Variants in CHRNB4 observed in about 807,000 individuals in gnomAD.
The protein encoded by CHRNB4 is neuronal acetylcholine receptor subunit beta-4.
In CHRNB4, 23 loss-of-function variants were observed where a neutral mutation model predicts 40.4. That is an observed-to-expected ratio of 0.57 (90% CI 0.41 to 0.81). The LOEUF (loss-of-function observed/expected upper bound fraction) is 0.81, where lower values mean the gene tolerates loss of function less well. Ranked by LOEUF, CHRNB4 falls within the 30% of genes least tolerant of loss-of-function variation. The probability of loss-of-function intolerance (pLI) is 0.00; values close to 1 mark genes in which losing one functional copy is unlikely to be tolerated. For synonymous variants in CHRNB4, 285 were observed against 274.4 expected, an observed-to-expected ratio of 1.04 and a Z score of -0.38; for missense variants, 568 against 670.6, an observed-to-expected ratio of 0.85 and a Z score of 1.69.
intron 5 of CHRNB4, chr15:78,627,838 C>A (rs994215477): frequency 6.6e-6 from 1 of 152,124 alleles, no homozygotes; most frequent in Admixed American, 6.5e-5. Flanking sequence ...ATTGCTTTAT[C>A]CTGTGAAAGT....
At chr15:78,653,712 G>C (rs1414387936) in intron 5 of CHRNB4, among the ~76,000 whole-genome samples, 8 of 152,182 alleles carry the variant, frequency 5.3e-5, no homozygotes, top group Admixed American at 5.2e-4. Context: ...TGAGCACAGC[G>C]AGAGTCCTAG....
Position 78,646,253 on chromosome 15 carries a change from T to G in CHRNB4, c.46+3126A>C, listed in dbSNP as rs566909957. Among the ~76,000 whole-genome samples, 504 of 152,156 alleles carry G rather than the reference T, an allele frequency of 3.3e-3. 3 individuals are homozygous for G. The highest frequency in any genetic ancestry group is 0.011 in the African/African-American group (442 of 41,500). ...AACTTGAAATAAGACAGAAGTTGCC[T>G]TGTAGATCATTGGGGAAAGGATGGA... On this transcript the variant is annotated intron_variant and NMD_transcript_variant, in intron 7 of 11. Transcript: ENST00000559849.
intron 5 of CHRNB4, chr15:78,626,337 C>CG (rs1435066888): frequency 1.0e-4 from 11 of 109,434 alleles, no homozygotes; most frequent in African/African-American, 3.0e-4. Flanking sequence ...TAATTTCAAG[C>CG]GGGGGTGTGT....
chr15:78,650,725 CAA>C (rs2054165138), intron 6 of CHRNB4, among the ~76,000 whole-genome samples: 1 of 152,196 alleles, frequency 6.6e-6, no homozygotes, highest in African/African-American at 2.4e-5. Flanking sequence ...CGGTGTACAG[CAA>C]GTCAATCACT....
chr15:78,635,619 C>T lies in CHRNB4; in HGVS notation c.56-32G>A, dbSNP rs1270911885. ...AAACACACAGTCAGACCTGCTGGGCCCTTGTGCACCTGACCCCCACTGCAG... is the reference window on the plus strand; with the variant it reads ...AAACACACAGTCAGACCTGCTGGGCTCTTGTGCACCTGACCCCCACTGCAG... On this transcript the variant is annotated intron_variant, in intron 1 of 5. Transcript: ENST00000261751. 8.1e-6 allele frequency: 13 copies of T among 1,611,434 alleles called. No individual in the cohort carries two copies. In the South Asian group the frequency reaches 9.9e-5, roughly 12 times the overall value.
At chr15:78,651,656 C>T (rs1489174396) in intron 6 of CHRNB4, among the ~76,000 whole-genome samples, 1 of 152,208 alleles carries the variant, frequency 6.6e-6, no homozygotes, top group Admixed American at 6.5e-5. Flanking sequence ...TCTAATTGTG[C>T]AATAAATCCC....
At chr15:78,630,073 CA>C in intron 4 of CHRNB4, 128 bp from the exon 5 acceptor site, 2 of 1,073,020 alleles carry the variant, frequency 1.9e-6, no homozygotes, top group Non-Finnish European at 2.5e-6. Flanking sequence ...CCCAGGCCCT[CA>C]CTGAAAGGAG....
At chr15:78,637,362 A>C (rs995755405) in intron 1 of CHRNB4, among the ~76,000 whole-genome samples, 2 of 152,172 alleles carry the variant, frequency 1.3e-5, no homozygotes, top group African/African-American at 4.8e-5. Flanking sequence ...GCTTGGAAAA[A>C]GGGAGACTCA....
At position 78,647,612 on chromosome 15, in the gene CHRNB4, C is replaced by T. The variant is rs527803936; in HGVS notation, c.46+1767G>A. ...CTGTAATCCCAGCACTTTGGGAGGC[C>T]AAGGCGGGCAGATCACAAGGTCAGG... On this transcript the variant is annotated intron_variant and NMD_transcript_variant, in intron 7 of 11. Transcript: ENST00000559849. Among the ~76,000 whole-genome samples the T allele has an allele frequency of 2.6e-4, 38 of 147,832 alleles. No homozygotes were observed. In the East Asian group the frequency reaches 4.4e-3, roughly 17 times the overall value.
upstream of CHRNB4, among the ~76,000 whole-genome samples, chr15:78,646,221 A>G (rs1448907736): frequency 1.3e-5 from 2 of 152,180 alleles, no homozygotes; most frequent in Admixed American, 6.5e-5. Flanking sequence ...GATCCATGAC[A>G]CACGGAAACT....
At position 78,629,408 on chromosome 15, in the gene CHRNB4, G is replaced by A; in HGVS notation, c.897C>T (p.Leu299=). The change falls in exon 5 of 6, where the codon CTC becomes CTT. Residue 299 remains leucine, a synonymous_variant. Coordinates refer to ENST00000261751, the MANE Select transcript of CHRNB4 (RefSeq NM_000750.5). The surrounding 1 kb of genome is among the most constrained non-coding windows in gnomAD (Gnocchi z 6.8). ...SLDVPLIGKY[L]MFTMVLVTFS... is the part of the protein sequence containing the mutation. Reference sequence around the variant, plus strand: ...AGGTGACCAGCACCATGGTGAACATGAGGTACTTGCCGATGAGAGGCACAT... The same window carrying A: ...AGGTGACCAGCACCATGGTGAACATAAGGTACTTGCCGATGAGAGGCACAT... 1 of 1,614,164 alleles carries A rather than the reference G, an allele frequency of 6.2e-7. No homozygotes were observed. Among genetic ancestry groups the A allele is most frequent in the Non-Finnish European group, 8.5e-7 (1 of 1,180,030 alleles).
intron 1 of CHRNB4, 133 bp downstream of exon 1, chr15:78,640,943 GCCC>G (rs1290451393): frequency 2.4e-5 from 24 of 1,004,688 alleles, no homozygotes; most frequent in South Asian, 7.9e-5. Context: ...CCCTGCCCAC[GCCC>G]CCATCTGGCC....
At chr15:78,650,167 C>A (rs546590134) in intron 6 of CHRNB4, among the ~76,000 whole-genome samples, 1 of 152,312 alleles carries the variant, frequency 6.6e-6, no homozygotes, top group South Asian at 2.1e-4. Flanking sequence ...AGACTGACAT[C>A]CTGGCCTGGG....
At chr15:78,633,909 G>T (rs1427689192) in intron 2 of CHRNB4, among the ~76,000 whole-genome samples, 2 of 138,880 alleles carry the variant, frequency 1.4e-5, no homozygotes, top group African/African-American at 5.2e-5. Flanking sequence ...AAGGGTCAGG[G>T]AATAAGGGGG....
chr15:78,635,307 G>GA, intron 2 of CHRNB4, 132 bp downstream of exon 2: 1 of 1,105,760 alleles, frequency 9.0e-7, no homozygotes. Flanking sequence ...CCCTTCTGCA[G>GA]CCTCCCTGAC....
intron 2 of CHRNB4, among the ~76,000 whole-genome samples, chr15:78,632,291 CT>C: frequency 7.3e-6 from 1 of 137,632 alleles, no homozygotes; most frequent in African/African-American, 2.7e-5. Flanking sequence ...CCCTTTCTTT[CT>C]TTTCTTTCGT....
Position 78,631,315 on chromosome 15 carries a change from G to C in CHRNB4, c.222C>G (p.Ile74Met), listed in dbSNP as rs1187943879. The change falls in exon 3 of 6, where the codon ATC becomes ATG. Residue 74 changes from isoleucine to methionine, a missense_variant. Coordinates refer to ENST00000261751, the MANE Select transcript of CHRNB4 (RefSeq NM_000750.5). Reference protein sequence around the residue: ...QLISVNEREQIMTTNVWLKQE... With the variant: ...QLISVNEREQMMTTNVWLKQE... ...GTTTCAGCCAGACATTGGTGGTCAT[G>C]ATCTGCTCTCGCTCATTCTGGGGAG... The C allele has an allele frequency of 6.2e-7, 1 of 1,614,044 alleles. No individual in the cohort carries two copies. The highest frequency in any genetic ancestry group is 1.7e-5 in the Admixed American group (1 of 60,024).
chr15:78,646,290 C>T (rs1224668824), intron 7 of CHRNB4, among the ~76,000 whole-genome samples: 3 of 152,072 alleles, frequency 2.0e-5, no homozygotes, highest in East Asian at 1.9e-4. Context: ...ATTCTAAAAA[C>T]GATGTTGGGA....
chr15:78,631,916 T>A (rs895678499), intron 2 of CHRNB4, among the ~76,000 whole-genome samples: 2 of 152,082 alleles, frequency 1.3e-5, no homozygotes, highest in African/African-American at 4.8e-5. Context: ...CCACCCCTCA[T>A]CCCATTAGCT....
Sources: gnomAD v4.1 joint callset for allele counts (sites outside exome capture counted in the v4.1 genomes callset) on GRCh38, gnomAD v4.1.1 for gene constraint, Gnocchi (gnomAD v3.1) non-coding constraint, MANE v1.5 for transcripts, NCBI Gene and HGNC (gene_info 2026-07-23, HGNC 2026-07-21) for gene names.